Variants in MIS18A observed in about 807,000 individuals in gnomAD.
MIS18A encodes protein Mis18-alpha.
MIS18A carries 14 observed loss-of-function variants against 25.0 expected under a neutral mutation model. The ratio of observed to expected loss-of-function variants is 0.56; its 90% CI spans 0.37 to 0.88. MIS18A has a LOEUF of 0.88. MIS18A is among the 40% of genes least tolerant of loss of function. The pLI is 0.00. For synonymous variants in MIS18A, 134 were observed against 118.6 expected (o/e 1.13, Z -0.84); for missense variants, 292 against 290.8 (o/e 1.00, Z -0.03).
chr21:32,250,634 T>G, the MIS18A span, among the ~76,000 whole-genome samples: 1 of 152,194 alleles, frequency 6.6e-6, no homozygotes, highest in Non-Finnish European at 1.5e-5. Flanking sequence ...TTCTCATAGG[T>G]GGATTGGACA....
At chr21:32,157,008 G>A in the MIS18A span, among the ~76,000 whole-genome samples, 1 of 151,380 alleles carries the variant, frequency 6.6e-6, no homozygotes, top group South Asian at 2.1e-4. Context: ...GAACTTATAT[G>A]GCCCACTAGG....
the MIS18A span, among the ~76,000 whole-genome samples, chr21:32,256,658 G>C: frequency 6.6e-6 from 1 of 152,336 alleles, no homozygotes; most frequent in Non-Finnish European, 1.5e-5. Context: ...AGTGGGGACT[G>C]TCCCTTGCCC....
At chr21:32,267,018 C>T (rs575428676), downstream of MIS18A, among the ~76,000 whole-genome samples, 2 of 151,918 alleles carry the variant, frequency 1.3e-5, no homozygotes, top group Non-Finnish European at 2.9e-5. Flanking sequence ...TCACAGAAAG[C>T]CAGAAAAGCC....
the MIS18A span, among the ~76,000 whole-genome samples, chr21:32,209,842 T>C: frequency 1.3e-5 from 2 of 152,316 alleles, no homozygotes; most frequent in Admixed American, 6.5e-5. Flanking sequence ...TGCTTCCCCT[T>C]CCACCATGAT....
chr21:32,268,575 ATGT>A lies in MIS18A; in HGVS notation c.*459_*461del, dbSNP rs2031646661. The stretch of plus-strand genomic sequence containing the variant: ...AGATTTTTCTTATCATTTATAATAA[ATGT>A]TGTCCCAAGTGTTAAATGTCAAAGT... On this transcript the variant is annotated 3_prime_UTR_variant, in exon 5 of 5. Coordinates refer to ENST00000290130, the MANE Select transcript of MIS18A (RefSeq NM_018944.3). 2 of 152,372 alleles carry A rather than the reference ATGT, an allele frequency of 1.3e-5. No individual in the cohort carries two copies. Among genetic ancestry groups the A allele is most frequent in the South Asian group, 2.1e-4 (1 of 4,826 alleles). The allele number at this position is 152,372 out of a possible 1,614,324, so 9.4% of individuals were successfully genotyped here.
At position 32,269,829 on chromosome 21, in the gene MIS18A, A is replaced by G; in HGVS notation, c.525-26T>C. 2.2e-6 allele frequency: 3 copies of G among 1,386,126 alleles called. 1 individual carries two copies. The South Asian group carries it at 3.5e-5, about 16-fold the overall frequency. 85.9% of individuals were successfully genotyped at this position (1,386,126 alleles called of 1,614,324 possible). A position where few individuals can be genotyped will look rare whatever the true frequency, so the allele number is the denominator to read the frequency against. The stretch of plus-strand genomic sequence containing the variant: ...CTGAAGTACGGTACAAGGTTAAAAT[A>G]CAAGCTGGGTGTGGTGGCATGCACT... On this transcript the variant is annotated intron_variant, in intron 3 of 4. Coordinates refer to ENST00000290130, the MANE Select transcript of MIS18A (RefSeq NM_018944.3).
chr21:32,180,506 G>C, the MIS18A span, among the ~76,000 whole-genome samples: 1 of 152,104 alleles, frequency 6.6e-6, no homozygotes, highest in South Asian at 2.1e-4. Flanking sequence ...TGAATGCATT[G>C]TTGTTTCTAA....
chr21:32,269,590 G>T, intron 4 of MIS18A, 117 bp downstream of exon 4: 1 of 620,164 alleles, frequency 1.6e-6, no homozygotes, highest in Non-Finnish European at 2.8e-6. Flanking sequence ...AATGAAATAA[G>T]CACACTCTTC....
chr21:32,260,673 A>C, the MIS18A span: 2 of 152,426 alleles, frequency 1.3e-5, no homozygotes, highest in South Asian at 4.1e-4. Context: ...ATCAATGCCC[A>C]AGGATGAAAG....
chr21:32,242,497 TA>T, the MIS18A span, among the ~76,000 whole-genome samples: 9 of 148,708 alleles, frequency 6.1e-5, no homozygotes, highest in Admixed American at 6.7e-5. Flanking sequence ...AGACTGTACT[TA>T]AAAAAAAAAG....
the MIS18A span, among the ~76,000 whole-genome samples, chr21:32,175,624 A>T: frequency 1.3e-5 from 2 of 148,800 alleles, no homozygotes; most frequent in South Asian, 2.2e-4. Flanking sequence ...CCTGCCCAAC[A>T]TAGTGAAACC....
intron 2 of MIS18A, among the ~76,000 whole-genome samples, chr21:32,273,254 C>T (rs889781112): frequency 5.9e-5 from 9 of 152,096 alleles, no homozygotes; most frequent in African/African-American, 2.2e-4. Context: ...TTCTCTAAAA[C>T]CCATGGGTTT....
At chr21:32,244,233 C>G in the MIS18A span, among the ~76,000 whole-genome samples, 6 of 151,956 alleles carry the variant, frequency 3.9e-5, no homozygotes, top group Non-Finnish European at 7.4e-5. Context: ...GAAGAAAGCA[C>G]AGTGGATTGC....
the MIS18A span, among the ~76,000 whole-genome samples, chr21:32,245,446 C>A: frequency 2.2e-4 from 34 of 152,288 alleles, no homozygotes; most frequent in East Asian, 6.6e-3. Flanking sequence ...AGATGTCCAA[C>A]AGAGGGACGA....
chr21:32,272,968 C>T (rs2031740176), intron 2 of MIS18A, among the ~76,000 whole-genome samples: 1 of 152,184 alleles, frequency 6.6e-6, no homozygotes, highest in South Asian at 2.1e-4. Context: ...CCTCCCTGGG[C>T]CTAACTTTCT....
chr21:32,167,212 A>T, the MIS18A span, among the ~76,000 whole-genome samples: 5 of 152,174 alleles, frequency 3.3e-5, no homozygotes. Flanking sequence ...GGAGGTAGAT[A>T]ATATGATCCA....
the MIS18A span, among the ~76,000 whole-genome samples, chr21:32,206,789 C>T: frequency 6.6e-6 from 1 of 152,280 alleles, no homozygotes; most frequent in Admixed American, 6.5e-5. Flanking sequence ...GATCAGGTCA[C>T]TCTCCAGCAT....
At chr21:32,182,855 G>C in the MIS18A span, among the ~76,000 whole-genome samples, 1 of 152,162 alleles carries the variant, frequency 6.6e-6, no homozygotes, top group East Asian at 1.9e-4. Flanking sequence ...CAAAGGGAAT[G>C]CACTCCTGTA....
downstream of MIS18A, among the ~76,000 whole-genome samples, chr21:32,265,213 G>A (rs2031570747): frequency 6.6e-6 from 1 of 152,184 alleles, no homozygotes; most frequent in Admixed American, 6.5e-5. Context: ...TCCCCTGCCT[G>A]GGCTCCCACT....
Sources: allele counts gnomAD v4.1 joint callset (sites outside exome capture counted in the v4.1 genomes callset), GRCh38; gene constraint gnomAD v4.1.1; transcripts MANE v1.5; gene names NCBI Gene and HGNC (gene_info 2026-07-23, HGNC 2026-07-21).